DLG2: variants seen among roughly 807,000 people sequenced by gnomAD.
DLG2 encodes the protein discs large MAGUK scaffold protein 2.
In DLG2, 45 loss-of-function variants were observed where a neutral mutation model predicts 132.5. That is an observed-to-expected ratio of 0.34 (90% CI 0.27 to 0.44). The LOEUF is 0.44. Ranked by LOEUF, DLG2 falls within the 20% of genes least tolerant of loss-of-function variation. DLG2 has a pLI of 1.00. For synonymous variants in DLG2, 424 were observed against 419.6 expected, an observed-to-expected ratio of 1.01 and a Z score of -0.13; for missense variants, 1,045 against 1,196.9, an observed-to-expected ratio of 0.87 and a Z score of 1.87.
At chr11:83,524,859 GAT>G (rs1253259425) in intron 21 of DLG2, among the ~76,000 whole-genome samples, 10 of 152,212 alleles carry the variant, frequency 6.6e-5, no homozygotes, top group Non-Finnish European at 1.0e-4. Context: ...CATTTTGAAC[GAT>G]ATCTCTTTTA....
At chr11:85,199,942 C>CT (rs749722409) in intron 4 of DLG2, among the ~76,000 whole-genome samples, 10,083 of 140,864 alleles carry the variant, frequency 0.072, 382 homozygotes, top group East Asian at 0.13. Context: ...CCAGGAATTA[C>CT]TTTTTTTTTT....
At chr11:84,217,169 C>A (rs1480619306) in intron 8 of DLG2, among the ~76,000 whole-genome samples, 1 of 152,182 alleles carries the variant, frequency 6.6e-6, no homozygotes, top group African/African-American at 2.4e-5. Flanking sequence ...GGTTCTAACA[C>A]CTCCGAAAGA....
At chr11:84,007,383 A>G (rs1441136400) in intron 11 of DLG2, among the ~76,000 whole-genome samples, 1 of 151,732 alleles carries the variant, frequency 6.6e-6, no homozygotes, top group East Asian at 1.9e-4. Context: ...GAGTTAAGGT[A>G]TCTTTACTTT....
intron 6 of DLG2, among the ~76,000 whole-genome samples, chr11:84,844,145 A>G (rs1281176839): frequency 7.1e-4 from 52 of 73,564 alleles, no homozygotes; most frequent in East Asian, 1.7e-3. Flanking sequence ...GTATATATAT[A>G]TATATATATA....
intron 3 of DLG2, among the ~76,000 whole-genome samples, chr11:85,514,819 C>T (rs2094141901): frequency 6.6e-6 from 1 of 151,896 alleles, no homozygotes; most frequent in Non-Finnish European, 1.5e-5. Flanking sequence ...CCCCTACATA[C>T]TGGGCAGAGG....
chr11:84,249,415 A>G (rs577482908), intron 8 of DLG2, among the ~76,000 whole-genome samples: 162 of 152,356 alleles, frequency 1.1e-3, no homozygotes, highest in Non-Finnish European at 1.8e-3. Context: ...CACAGGTAAC[A>G]GCATGTTAGA....
chr11:84,847,930 G>A (rs544752083), intron 6 of DLG2, among the ~76,000 whole-genome samples: 102 of 152,158 alleles, frequency 6.7e-4, no homozygotes, highest in Admixed American at 3.1e-3. Flanking sequence ...GACTGGGAGG[G>A]ACAGAGGCCA....
At chr11:85,003,530 C>T (rs2154131742) in intron 6 of DLG2, among the ~76,000 whole-genome samples, 1 of 152,118 alleles carries the variant, frequency 6.6e-6, no homozygotes, top group East Asian at 1.9e-4. Context: ...GTCATTTAAT[C>T]TTATGCATAC....
chr11:83,989,335 T>A (rs1487102815), intron 11 of DLG2, among the ~76,000 whole-genome samples: 1 of 152,172 alleles, frequency 6.6e-6, no homozygotes, highest in Non-Finnish European at 1.5e-5. Flanking sequence ...CAAATTTGAG[T>A]TTCCATTTCT....
At chr11:84,548,710 T>C (rs1289163272) in intron 6 of DLG2, among the ~76,000 whole-genome samples, 1 of 152,140 alleles carries the variant, frequency 6.6e-6, no homozygotes, top group Non-Finnish European at 1.5e-5. Context: ...TTCCAAGTCT[T>C]TGCTATTGTG....
chr11:83,819,281 C>T (rs1373874548), intron 17 of DLG2, among the ~76,000 whole-genome samples: 2 of 151,598 alleles, frequency 1.3e-5, no homozygotes, highest in Admixed American at 6.6e-5. Flanking sequence ...ACCAGCCTGG[C>T]CAACATGGTG....
At chr11:84,384,250 A>G (rs146374354) in intron 7 of DLG2, among the ~76,000 whole-genome samples, 55 of 152,040 alleles carry the variant, frequency 3.6e-4, no homozygotes, top group African/African-American at 1.3e-3. Context: ...ATTTAAATAT[A>G]GGAAAACCAA....
At chr11:84,707,301 A>AT (rs879303206) in intron 6 of DLG2, among the ~76,000 whole-genome samples, 6 of 151,720 alleles carry the variant, frequency 4.0e-5, no homozygotes, top group Non-Finnish European at 8.9e-5. Context: ...AAAGATTTTT[A>AT]TTTTTTTCAT....
At chr11:84,335,244 GGAAT>G (rs1455409292) in intron 7 of DLG2, among the ~76,000 whole-genome samples, 1 of 150,354 alleles carries the variant, frequency 6.7e-6, no homozygotes, top group Non-Finnish European at 1.5e-5. Context: ...AGGAAGGGAA[GGAAT>G]GAAGGAACAG....
chr11:84,841,846 A>G (rs1398363800), intron 6 of DLG2, among the ~76,000 whole-genome samples: 5 of 151,864 alleles, frequency 3.3e-5, no homozygotes, highest in African/African-American at 1.2e-4. Context: ...ATGCATCATA[A>G]TTTTTTTAAC....
chr11:84,273,068 T>C (rs1384385827), intron 7 of DLG2: 1 of 1,187,598 alleles, frequency 8.4e-7, no homozygotes, highest in African/African-American at 1.6e-5. Context: ...ACAGAATTTA[T>C]ACATTTCTCT....
intron 8 of DLG2, among the ~76,000 whole-genome samples, chr11:84,176,294 T>C (rs931534373): frequency 1.4e-5 from 2 of 146,030 alleles, no homozygotes. Flanking sequence ...GCTGAAGATT[T>C]ACTATATGCT....
chr11:84,999,185 A>C (rs2057980219), intron 6 of DLG2, among the ~76,000 whole-genome samples: 1 of 152,042 alleles, frequency 6.6e-6, no homozygotes, highest in Non-Finnish European at 1.5e-5. Flanking sequence ...TAATAGAAAC[A>C]TGTCTGTTAG....
chr11:84,425,603 G>T (rs1382743537), intron 7 of DLG2, among the ~76,000 whole-genome samples: 2 of 152,056 alleles, frequency 1.3e-5, no homozygotes, highest in Non-Finnish European at 2.9e-5. Context: ...TATTCAAAAT[G>T]TTATACTTGG....
Sources: allele counts gnomAD v4.1 joint callset (sites outside exome capture counted in the v4.1 genomes callset), GRCh38; gene constraint gnomAD v4.1.1; transcripts MANE v1.5; gene names NCBI Gene and HGNC (gene_info 2026-07-23, HGNC 2026-07-21).